PCNX2: variants seen among roughly 807,000 people sequenced by gnomAD.
The protein encoded by PCNX2 is pecanex-like protein 2.
A neutral mutation model predicts 223.8 loss-of-function variants in PCNX2; 168 were observed. That is an observed-to-expected ratio of 0.75 (90% CI 0.66 to 0.85). The LOEUF (loss-of-function observed/expected upper bound fraction) is 0.85. PCNX2 is among the 40% of genes least tolerant of loss of function. The pLI is 0.00. For missense variants in PCNX2, 2,507 were observed against 2,675.5 expected (o/e 0.94, Z 1.39); for synonymous variants, 1,006 against 1,052.6 (o/e 0.96, Z 0.86).
intron 23 of PCNX2, among the ~76,000 whole-genome samples, chr1:233,067,135 A>G (rs1672642962): frequency 6.6e-6 from 1 of 151,946 alleles, no homozygotes; most frequent in Admixed American, 6.6e-5. Context: ...AGGTGTAAAT[A>G]TTATCCAGAG....
At chr1:233,005,046 G>A (rs1309382464) in intron 28 of PCNX2, among the ~76,000 whole-genome samples, 1 of 152,186 alleles carries the variant, frequency 6.6e-6, no homozygotes, top group East Asian at 1.9e-4. Context: ...GAGAGTGGAG[G>A]CTTCGAAACA....
chr1:233,288,785 A>T, intron 1 of PCNX2: 1 of 684,212 alleles, frequency 1.5e-6, no homozygotes, highest in Non-Finnish European at 2.4e-6. Context: ...TTGGAGGCCC[A>T]GGACCCAGGA....
chr1:233,161,320 G>A lies in PCNX2; in HGVS notation c.3317C>T (p.Ala1106Val), dbSNP rs754215237. 4 of 1,613,924 alleles carry A rather than the reference G, an allele frequency of 2.5e-6. No individual in the cohort carries two copies. Among genetic ancestry groups the A allele is most frequent in the Non-Finnish European group, 3.4e-6 (4 of 1,179,854 alleles). Reference protein sequence around the residue: ...KWDLIVCAVVAVLSFAVSAST... With the variant: ...KWDLIVCAVVVVLSFAVSAST... ...GGCGCTGACTGCAAATGAGAGGACA[G>A]CAACCACTGCGCAGACGATGAGATC... is the stretch of plus-strand genomic sequence containing the variant. The change falls in exon 18 of 34, where the codon GCT (alanine) becomes GTT (valine). Residue 1106 changes from alanine (A) to valine (V), a missense_variant. Physicochemically the swap from Ala to Val is moderately conservative, Grantham distance 64 (BLOSUM62 0). This residue lies in a region of PCNX2 where 1,372 missense variants were observed against 1,509.4 expected (regional missense o/e 0.91). Coordinates refer to ENST00000258229, the MANE Select transcript of PCNX2 (RefSeq NM_014801.4).
intron 1 of PCNX2, chr1:233,284,916 G>C: frequency 1.0e-6 from 1 of 955,788 alleles, no homozygotes; most frequent in Non-Finnish European, 1.2e-6. Flanking sequence ...CAGGGTCATG[G>C]GGGGGATGAT....
chr1:233,218,037 C>T lies in PCNX2; in HGVS notation c.2652G>A (p.Leu884=), dbSNP rs1250154013. The T allele has an allele frequency of 6.2e-7, 1 of 1,608,626 alleles. No homozygotes were observed. ...CLVMASCQYS[L]LKSVQPDPAS... ...GAATTAGATGTGGTCTTGCCTTTAG[C>T]AGGGAGTACTGGCAGCTGGCCATGA... The change falls in exon 11 of 34, where the codon CTG becomes CTA. Residue 884 remains leucine (L), a synonymous_variant. Coordinates refer to ENST00000258229, the MANE Select transcript of PCNX2 (RefSeq NM_014801.4).
At chr1:233,075,740 A>ACACAC (rs1558208132) in intron 23 of PCNX2, among the ~76,000 whole-genome samples, 46 of 122,448 alleles carry the variant, frequency 3.8e-4, no homozygotes, top group Non-Finnish European at 3.0e-4. Flanking sequence ...CACACACACA[A>ACACAC]CAGAAAAGAA....
At chr1:233,153,598 A>G (rs1677947974) in intron 19 of PCNX2, among the ~76,000 whole-genome samples, 1 of 152,228 alleles carries the variant, frequency 6.6e-6, no homozygotes, top group Non-Finnish European at 1.5e-5. Context: ...CTAATGCATA[A>G]GGGAAGATAA....
chr1:233,241,306 C>G, intron 8 of PCNX2: 2 of 985,396 alleles, frequency 2.0e-6, no homozygotes, highest in Non-Finnish European at 2.4e-6. Flanking sequence ...CGGAACAGAA[C>G]CACACTGAGC....
In PCNX2 at chr1:233,095,890, CAG is replaced by C. The variant is rs373874461; in HGVS notation, c.3838-29_3838-28del. On this transcript the variant is annotated intron_variant, in intron 21 of 33. Transcript: ENST00000258229. ...TGAAAGTAAAAGAAAAAAAATTCAT[CAG>C]AGAGGACAATGACAACAGTGGTAAC... 168 of 1,505,720 alleles carry C rather than the reference CAG, an allele frequency of 1.1e-4. 1 individual carries two copies. The East Asian group carries it at 2.1e-3, about 19-fold the overall frequency. The allele number at this position is 1,505,720 out of a possible 1,614,324, so 93.3% of individuals were successfully genotyped here. A position where few individuals can be genotyped will look rare whatever the true frequency, so the allele number is the denominator to read the frequency against.
At chr1:233,112,710 T>TCGAC in intron 21 of PCNX2, 1 of 619,418 alleles carries the variant, frequency 1.6e-6, no homozygotes, top group Non-Finnish European at 2.1e-6. Context: ...TGTAGATCTT[T>TCGAC]GAACAATATA....
intron 21 of PCNX2, among the ~76,000 whole-genome samples, chr1:233,104,880 G>T (rs1363307700): frequency 6.6e-6 from 1 of 152,022 alleles, no homozygotes; most frequent in Admixed American, 6.5e-5. Flanking sequence ...CAATCCTTTG[G>T]ATTTGCATGT....
intron 17 of PCNX2, among the ~76,000 whole-genome samples, chr1:233,171,192 T>C (rs1357554315): frequency 1.3e-5 from 2 of 152,206 alleles, no homozygotes. Flanking sequence ...TATAGTCTTA[T>C]CATGGTTTAA....
At chr1:233,167,924 T>C (rs12035962) in intron 17 of PCNX2, 90,196 of 707,024 alleles carry the variant, frequency 0.13, 6,249 homozygotes, top group East Asian at 0.22. Context: ...ATATTTTATT[T>C]TGATCTTAGT....
chr1:233,162,438 G>A (rs190869116), intron 17 of PCNX2, among the ~76,000 whole-genome samples: 1,548 of 152,254 alleles, frequency 0.01, 26 homozygotes, highest in African/African-American at 0.035. Flanking sequence ...TTTCTTGCAA[G>A]TCATGCTCCT....
chr1:233,258,847 C>A lies in PCNX2; in HGVS notation c.1015G>T (p.Gly339Trp). The A allele has an allele frequency of 6.2e-7, 1 of 1,613,920 alleles. No individual in the cohort carries two copies. Among genetic ancestry groups the A allele is most frequent in the Non-Finnish European group, 8.5e-7 (1 of 1,179,886 alleles). Residue 339 changes from glycine to tryptophan, a missense_variant, in exon 5 of 34, where the codon GGG becomes TGG. By Grantham distance (184) the Gly-to-Trp change is radical. Around this residue, in one of 3 missense-constraint regions of PCNX2, gnomAD observed 1,031 missense variants for 1,021.7 expected, o/e 1.01. Transcript: ENST00000258229. Reference sequence around the variant, plus strand: ...ACTTCCTGGTGCAAGGGCAGGTCCCCCTGGCAGGAGGTATCTACCTGACAG... The same window carrying A: ...ACTTCCTGGTGCAAGGGCAGGTCCCACTGGCAGGAGGTATCTACCTGACAG... ...TSCQVDTSCQGDLPLHQEVDS... is the reference protein window; with the variant it reads ...TSCQVDTSCQWDLPLHQEVDS...
chr1:233,222,242 T>A (rs1352442558), intron 10 of PCNX2, among the ~76,000 whole-genome samples: 3 of 151,958 alleles, frequency 2.0e-5, no homozygotes, highest in Non-Finnish European at 4.4e-5. Context: ...TCCACAGGGA[T>A]AGTGGGAGAT....
intron 21 of PCNX2, among the ~76,000 whole-genome samples, chr1:233,132,444 A>C (rs1018713875): frequency 1.3e-5 from 2 of 152,186 alleles, no homozygotes; most frequent in Admixed American, 6.5e-5. Flanking sequence ...CTGTCAGTGC[A>C]GAATGCTGTC....
In PCNX2 at chr1:233,011,857, C is replaced by T. The variant is rs144130873; in HGVS notation, c.4952+2808G>A. ...CCTTTAAAATATCCTTCATAATAAA[C>T]TAGTAAACGTGTTTCCCTGGATTCT... On this transcript the variant is annotated intron_variant, in intron 28 of 33. Transcript: ENST00000258229. Among the ~76,000 whole-genome samples the T allele has an allele frequency of 8.8e-3, 1,344 of 152,258 alleles. 15 individuals are homozygous for T. The highest frequency in any genetic ancestry group is 9.4e-3 in the Non-Finnish European group (640 of 68,030).
At chr1:233,092,041 CAACAA>C (rs1310641640) in intron 22 of PCNX2, among the ~76,000 whole-genome samples, 1 of 152,078 alleles carries the variant, frequency 6.6e-6, no homozygotes, top group Non-Finnish European at 1.5e-5. Context: ...CCACAAAACA[CAACAA>C]ATTAGCTATT....
Sources: gnomAD v4.1 joint callset for allele counts (sites outside exome capture counted in the v4.1 genomes callset) on GRCh38, gnomAD v4.1.1 for gene constraint, gnomAD v4.1.1 regional missense constraint, MANE v1.5 for transcripts, NCBI Gene and HGNC (gene_info 2026-07-23, HGNC 2026-07-21) for gene names.